Variants in ABI3BP observed in about 807,000 individuals in gnomAD.
ABI3BP encodes the protein target of Nesh-SH3.
In ABI3BP, 216 loss-of-function variants were observed where a neutral mutation model predicts 268.6. That is an observed-to-expected ratio of 0.80 (90% CI 0.72 to 0.90). ABI3BP has a LOEUF of 0.90. ABI3BP is among the 40% of genes least tolerant of loss of function. ABI3BP has a pLI of 0.00. For missense variants in ABI3BP, 2,090 were observed against 2,182.4 expected (o/e 0.96, Z 0.84); for synonymous variants, 730 against 730.0 (o/e 1.00, Z 0.00).
At chr3:100,919,005 A>G (rs1390993468) in intron 2 of ABI3BP, among the ~76,000 whole-genome samples, 1 of 152,156 alleles carries the variant, frequency 6.6e-6, no homozygotes. Flanking sequence ...GCCATCTTGC[A>G]TCCGTATCGA....
At chr3:100,823,538 A>G in intron 36 of ABI3BP, 24 bp from the exon 37 acceptor site, 2 of 1,517,378 alleles carry the variant, frequency 1.3e-6, no homozygotes, top group Non-Finnish European at 1.8e-6. Flanking sequence ...CATGTAAATC[A>G]AAGAGATTTT....
intron 56 of ABI3BP, among the ~76,000 whole-genome samples, chr3:100,788,157 A>C (rs376886327): frequency 1.4e-4 from 21 of 152,306 alleles, no homozygotes; most frequent in East Asian, 7.7e-4. Flanking sequence ...TGTCTAATGA[A>C]AAACCAAAAT....
At chr3:100,818,379 A>C in intron 41 of ABI3BP, 146 bp downstream of exon 41, 2 of 731,848 alleles carry the variant, frequency 2.7e-6, no homozygotes, top group Non-Finnish European at 4.4e-6. Flanking sequence ...AATGTGACAC[A>C]GAGCCTAGCA....
intron 1 of ABI3BP, among the ~76,000 whole-genome samples, chr3:100,987,491 A>T (rs907916004): frequency 6.6e-6 from 1 of 152,138 alleles, no homozygotes; most frequent in African/African-American, 2.4e-5. Context: ...AGAAAACTTT[A>T]TTTTTTTAAA....
chr3:100,829,530 TCCCACTGGGGTGGGCTGTTAGGATTC>T, intron 33 of ABI3BP, 25 bp downstream of exon 33: 1 of 1,455,062 alleles, frequency 6.9e-7, no homozygotes. Flanking sequence ...TCTCTTTGGG[TCCCACTGGGGTGGGCTGTTAGGATTC>T]CTCAAGCATG....
chr3:100,774,669 A>G lies in ABI3BP; in HGVS notation c.4467T>C (p.Asn1489=), dbSNP rs750649352. 4.5e-6 allele frequency: 7 copies of G among 1,566,718 alleles called. No individual in the cohort carries two copies. Among genetic ancestry groups the G allele is most frequent in the Non-Finnish European group, 5.2e-6 (6 of 1,156,252 alleles). Residue 1489 remains asparagine (N), a synonymous_variant, in exon 61 of 68, where the codon AAT becomes AAC. Transcript: ENST00000471714. ...TTGGGCTTGAGCTAAAGTCAGTTAT[A>G]TTTTCTGAGAATGGAAAATAATGAA... ...TVPASGEELE[N]ITDFSSSPTR... is the part of the protein sequence containing the mutation.
In ABI3BP at chr3:100,823,471, G is replaced by A; in HGVS notation, c.2790C>T (p.Ala930=). The change falls in exon 37 of 68, where the codon GCC becomes GCT. Residue 930 remains alanine (A), a synonymous_variant. Transcript: ENST00000471714. ...VLEPVTLRPE[A]STTLASKTSQ... ...TATCAACGTTACCTAATGTTGTTGA[G>A]GCCTCAGGTCTAAGAGTGACAGGTT... 6.5e-7 allele frequency: 1 copy of A among 1,534,368 alleles called. No individual in the cohort carries two copies. Among genetic ancestry groups the A allele is most frequent in the Non-Finnish European group, 8.7e-7 (1 of 1,146,028 alleles).
Position 100,874,918 on chromosome 3 carries a change from G to A in ABI3BP, c.833C>T (p.Pro278Leu). ...TTTTACAGTAGTTTCATTAAGACCT[G>A]GAATAATAAGGTGGACTGCAAGGAA... is the stretch of plus-strand genomic sequence containing the variant. ...GGVILVHLII[P>L]GLNETTVKLP... The change falls in exon 9 of 68, where the codon CCA becomes CTA. Residue 278 changes from proline (P) to leucine (L), a missense_variant. Transcript: ENST00000471714. 6.3e-7 allele frequency: 1 copy of A among 1,588,708 alleles called. No homozygotes were observed. Among genetic ancestry groups the A allele is most frequent in the Non-Finnish European group, 8.6e-7 (1 of 1,163,652 alleles).
intron 50 of ABI3BP, among the ~76,000 whole-genome samples, chr3:100,806,108 C>T (rs17396861): frequency 0.14 from 21,038 of 151,930 alleles, 1,895 homozygotes; most frequent in South Asian, 0.27. Context: ...ATTTTAGATC[C>T]CATTTTGCCT....
intron 19 of ABI3BP, among the ~76,000 whole-genome samples, chr3:100,847,293 A>G (rs2098780619): frequency 1.3e-5 from 2 of 152,342 alleles, no homozygotes; most frequent in South Asian, 4.1e-4. Context: ...TAAAAAATAA[A>G]AAAAAGAGAA....
chr3:100,901,582 G>A (rs954850500), intron 3 of ABI3BP, among the ~76,000 whole-genome samples: 4 of 152,024 alleles, frequency 2.6e-5, no homozygotes, highest in African/African-American at 4.8e-5. Context: ...TGGCTAACAC[G>A]GTGAAACCCC....
intron 1 of ABI3BP, among the ~76,000 whole-genome samples, chr3:100,970,992 A>G (rs747747669): frequency 6.6e-6 from 1 of 152,198 alleles, no homozygotes; most frequent in African/African-American, 2.4e-5. Flanking sequence ...TGTACATCAA[A>G]CAAAGAGTTC....
At chr3:100,775,531 A>T (rs545138013) in intron 59 of ABI3BP, among the ~76,000 whole-genome samples, 196 bp from the exon 60 acceptor site, 2 of 152,302 alleles carry the variant, frequency 1.3e-5, no homozygotes, top group African/African-American at 4.8e-5. Context: ...ATTATTATAG[A>T]CATTGTGAAA....
At chr3:100,774,245 C>T (rs2096637456) in intron 61 of ABI3BP, among the ~76,000 whole-genome samples, 2 of 152,074 alleles carry the variant, frequency 1.3e-5, no homozygotes, top group Non-Finnish European at 2.9e-5. Context: ...CAAAAAGGAG[C>T]TTTAAATGTG....
chr3:100,948,841 T>G (rs539054389), intron 1 of ABI3BP, among the ~76,000 whole-genome samples: 1 of 152,312 alleles, frequency 6.6e-6, no homozygotes, highest in African/African-American at 2.4e-5. Flanking sequence ...ATCCAAACAT[T>G]CAAAATCCAA....
intron 7 of ABI3BP, 39 bp from the exon 8 acceptor site, chr3:100,875,618 A>T: frequency 6.9e-7 from 1 of 1,439,174 alleles, no homozygotes; most frequent in Non-Finnish European, 9.8e-7. Context: ...GGGGTGGGAA[A>T]TAGGAGGCAG....
intron 14 of ABI3BP, 48 bp from the exon 15 acceptor site, chr3:100,851,988 A>G (rs750654361): frequency 1.4e-6 from 2 of 1,451,962 alleles, no homozygotes; most frequent in South Asian, 2.6e-5. Flanking sequence ...AATTTTGGTT[A>G]AATTTGATTA....
chr3:100,814,023 T>G (rs1190949063), intron 44 of ABI3BP, among the ~76,000 whole-genome samples: 2 of 152,172 alleles, frequency 1.3e-5, no homozygotes, highest in Non-Finnish European at 2.9e-5. Flanking sequence ...AAAGTTTTAT[T>G]GGAACATAGC....
At chr3:100,936,230 T>A (rs2066062253) in intron 1 of ABI3BP, among the ~76,000 whole-genome samples, 1 of 152,216 alleles carries the variant, frequency 6.6e-6, no homozygotes, top group Admixed American at 6.5e-5. Context: ...TCTGTTGAGA[T>A]AATCATGTGG....
Sources: gnomAD v4.1 joint callset for allele counts (sites outside exome capture counted in the v4.1 genomes callset) on GRCh38, gnomAD v4.1.1 for gene constraint, MANE v1.5 for transcripts, NCBI Gene and HGNC (gene_info 2026-07-23, HGNC 2026-07-21) for gene names.